UTRN: variants seen among roughly 807,000 people sequenced by gnomAD.
The protein encoded by UTRN is utrophin.
Under a neutral mutation model 463.9 loss-of-function variants are expected in UTRN, and 283 were observed. The observed-to-expected ratio is 0.61, with a 90% CI of 0.55 to 0.67. UTRN has a LOEUF of 0.67. UTRN is among the 30% of genes least tolerant of loss of function. The probability of loss-of-function intolerance (pLI) is 0.00; values close to 1 mark genes in which losing one functional copy is unlikely to be tolerated. For missense variants in UTRN, 3,922 were observed against 4,084.3 expected, an observed-to-expected ratio of 0.96 and a Z score of 1.08; for synonymous variants, 1,442 against 1,431.5, an observed-to-expected ratio of 1.01 and a Z score of -0.17.
intron 51 of UTRN, among the ~76,000 whole-genome samples, chr6:144,590,129 T>C (rs891740136): frequency 6.6e-6 from 1 of 152,128 alleles, no homozygotes; most frequent in African/African-American, 2.4e-5. Context: ...CCAAAGTTCC[T>C]GACAGTTTTG....
At chr6:144,624,986 T>G (rs2128650091) in intron 51 of UTRN, among the ~76,000 whole-genome samples, 1 of 152,280 alleles carries the variant, frequency 6.6e-6, no homozygotes, top group South Asian at 2.1e-4. Flanking sequence ...ATGACCATTA[T>G]AACAGAGGAA....
chr6:144,706,696 A>G (rs1785134591), intron 53 of UTRN: 1 of 152,172 alleles, frequency 6.6e-6, no homozygotes, highest in South Asian at 2.1e-4. Flanking sequence ...CTGTGAGGGA[A>G]AATTTTCCGT....
rs530503852 is a variant in UTRN at position 144,666,844 on chromosome 6, T to C, written c.7480-11562T>C. 5.3e-5 allele frequency among the ~76,000 whole-genome samples: 8 copies of C among 152,322 alleles called. No homozygotes were observed. In the South Asian group the frequency reaches 1.0e-3, roughly 20 times the overall value. The stretch of plus-strand genomic sequence containing the variant: ...ATCCTTGGTTGGGCCAGCTATGCAG[T>C]CCTGTTTCATTCCCATTCGTCGTGG... On this transcript the variant is annotated intron_variant, in intron 51 of 74. Coordinates refer to ENST00000367545, the MANE Select transcript of UTRN (RefSeq NM_007124.3).
At chr6:144,341,807 A>G (rs1467628994) in intron 2 of UTRN, among the ~76,000 whole-genome samples, 2 of 152,254 alleles carry the variant, frequency 1.3e-5, no homozygotes, top group Admixed American at 6.5e-5. Context: ...TAGAGGAAGC[A>G]GGGCCAACTT....
intron 46 of UTRN, among the ~76,000 whole-genome samples, chr6:144,546,693 C>T (rs903961567): frequency 6.6e-6 from 1 of 151,970 alleles, no homozygotes; most frequent in Non-Finnish European, 1.5e-5. Flanking sequence ...CCTGTAGTTC[C>T]AACTAATCAG....
intron 58 of UTRN, among the ~76,000 whole-genome samples, chr6:144,765,602 A>G (rs998876923): frequency 6.6e-6 from 1 of 151,924 alleles, no homozygotes; most frequent in African/African-American, 2.4e-5. Context: ...TTAGAGATGG[A>G]GTCTTGCTAT....
chr6:144,289,831 T>C (rs907424800), intron 1 of UTRN, among the ~76,000 whole-genome samples: 2 of 151,972 alleles, frequency 1.3e-5, no homozygotes, highest in African/African-American at 4.8e-5. Flanking sequence ...GTATTTTTTT[T>C]TAAGTAGAGA....
At chr6:144,733,298 C>A (rs1788969859) in intron 54 of UTRN, among the ~76,000 whole-genome samples, 3 of 152,124 alleles carry the variant, frequency 2.0e-5, no homozygotes, top group Admixed American at 2.0e-4. Flanking sequence ...GCAGGCGGAT[C>A]ATGAGGTCAG....
chr6:144,480,057 G>A (rs927162232), intron 26 of UTRN, 75 bp downstream of exon 26: 5 of 1,516,634 alleles, frequency 3.3e-6, no homozygotes, highest in East Asian at 4.6e-5. Context: ...TCAATCATCT[G>A]TCTATCTGTC....
At chr6:144,365,846 T>C (rs1393430222) in intron 2 of UTRN, among the ~76,000 whole-genome samples, 1 of 152,220 alleles carries the variant, frequency 6.6e-6, no homozygotes, top group East Asian at 1.9e-4. Context: ...CAAGTGATTC[T>C]CCTGCTTCGG....
intron 54 of UTRN, among the ~76,000 whole-genome samples, chr6:144,740,614 A>G (rs956264547): frequency 2.6e-5 from 4 of 152,236 alleles, no homozygotes; most frequent in Admixed American, 2.6e-4. Context: ...GTTCTTAACT[A>G]CAGAGCAGTA....
intron 2 of UTRN, among the ~76,000 whole-genome samples, chr6:144,303,932 A>T (rs1031374840): frequency 2.0e-5 from 3 of 152,246 alleles, no homozygotes; most frequent in African/African-American, 7.2e-5. Flanking sequence ...AGGATAGAAT[A>T]AATGCAAATT....
Position 144,782,134 on chromosome 6 carries a change from AT to A in UTRN, c.8834+17del. The A allele has an allele frequency of 6.4e-7, 1 of 1,560,310 alleles. No homozygotes were observed. Among genetic ancestry groups the A allele is most frequent in the Non-Finnish European group, 8.7e-7 (1 of 1,144,212 alleles). On this transcript the variant is annotated intron_variant, in intron 61 of 74. Transcript: ENST00000367545. ...CAATGTCTATGACACGTAAGTTTAT[AT>A]TTTTTCTCATTAAAATACGATCACT...
Position 144,462,156 on chromosome 6 carries a change from C to T in UTRN, c.2854-498C>T, listed in dbSNP as rs1053061702. ...GCTCCCACTTATAAGTGAGAATATG[C>T]GGTATTTTTTTTTGTTGTTTCTGAA... On this transcript the variant is annotated intron_variant, in intron 22 of 74. Coordinates refer to ENST00000367545, the MANE Select transcript of UTRN (RefSeq NM_007124.3). 9.9e-5 allele frequency among the ~76,000 whole-genome samples: 15 copies of T among 151,986 alleles called. No homozygotes were observed. The South Asian group carries it at 1.2e-3, about 13-fold the overall frequency.
chr6:144,397,466 A>G (rs559496392), intron 2 of UTRN, among the ~76,000 whole-genome samples: 9 of 152,226 alleles, frequency 5.9e-5, no homozygotes, highest in Admixed American at 5.2e-4. Context: ...TTTAAAGCAT[A>G]TATTTTAACT....
At chr6:144,522,820 T>G (rs1051217900) in intron 40 of UTRN, among the ~76,000 whole-genome samples, 196 bp from the exon 41 acceptor site, 1 of 152,084 alleles carries the variant, frequency 6.6e-6, no homozygotes, top group Non-Finnish European at 1.5e-5. Context: ...GAGTATATTA[T>G]GTAGCATATT....
intron 2 of UTRN, among the ~76,000 whole-genome samples, chr6:144,392,322 A>G (rs951378639): frequency 3.9e-5 from 6 of 152,220 alleles, no homozygotes; most frequent in South Asian, 4.1e-4. Context: ...TCAGCAGCAG[A>G]TAACTAAAAT....
intron 2 of UTRN, among the ~76,000 whole-genome samples, chr6:144,343,285 A>G (rs1433525341): frequency 2.6e-5 from 4 of 151,606 alleles, no homozygotes; most frequent in African/African-American, 7.3e-5. Flanking sequence ...TTTTGCATGT[A>G]TGTGGTGGAC....
intron 54 of UTRN, among the ~76,000 whole-genome samples, chr6:144,747,952 T>C (rs1790946013): frequency 6.6e-6 from 1 of 152,230 alleles, no homozygotes; most frequent in South Asian, 2.1e-4. Flanking sequence ...ATTTCTTGTG[T>C]TATCTTCTTA....
Sources: allele counts gnomAD v4.1 joint callset (sites outside exome capture counted in the v4.1 genomes callset), GRCh38; gene constraint gnomAD v4.1.1; transcripts MANE v1.5; gene names NCBI Gene and HGNC (gene_info 2026-07-23, HGNC 2026-07-21).